Variants in SLC4A10 observed in about 807,000 individuals in gnomAD.
SLC4A10 encodes sodium-driven chloride bicarbonate exchanger.
A neutral mutation model predicts 137.7 loss-of-function variants in SLC4A10; 42 were observed. That is an observed-to-expected ratio of 0.30 (90% CI 0.24 to 0.39). SLC4A10 has a LOEUF of 0.39. SLC4A10 is among the 10% of genes least tolerant of loss of function. The probability of loss-of-function intolerance (pLI) is 1.00; values close to 1 mark genes in which losing one functional copy is unlikely to be tolerated. For synonymous variants in SLC4A10, 474 were observed against 464.1 expected, an observed-to-expected ratio of 1.02 and a Z score of -0.27; for missense variants, 925 against 1,355.0, an observed-to-expected ratio of 0.68 and a Z score of 4.98.
intron 1 of SLC4A10, among the ~76,000 whole-genome samples, chr2:161,731,181 A>ATT (rs2046787085): frequency 6.6e-6 from 1 of 152,152 alleles, no homozygotes; most frequent in African/African-American, 2.4e-5. Flanking sequence ...TTCTCCACAG[A>ATT]TTAAATGAGA....
At chr2:161,830,546 GT>G in intron 3 of SLC4A10, among the ~76,000 whole-genome samples, 1 of 146,428 alleles carries the variant, frequency 6.8e-6, no homozygotes. Flanking sequence ...TTTATTTTCT[GT>G]TTTTAAAAAA....
At chr2:161,698,329 G>A (rs559328574) in intron 1 of SLC4A10, among the ~76,000 whole-genome samples, 14 of 152,224 alleles carry the variant, frequency 9.2e-5, no homozygotes, top group Non-Finnish European at 1.0e-4. Context: ...CCTGGCCAGA[G>A]CTTCCAACAC....
chr2:161,929,936 G>A (rs1018302101), intron 15 of SLC4A10, among the ~76,000 whole-genome samples: 5 of 151,994 alleles, frequency 3.3e-5, no homozygotes, highest in African/African-American at 1.2e-4. Flanking sequence ...TTTATAAGAA[G>A]GAAGTAGTTA....
chr2:161,776,856 GGTGTGTGTGT>G (rs71009340), intron 2 of SLC4A10, among the ~76,000 whole-genome samples: 45 of 143,132 alleles, frequency 3.1e-4, no homozygotes, highest in African/African-American at 8.2e-4. Flanking sequence ...CTTATTTTCT[GGTGTGTGTGT>G]GTGTGTGTGT....
chr2:161,773,619 T>A (rs1337192282), intron 2 of SLC4A10, among the ~76,000 whole-genome samples: 1 of 151,862 alleles, frequency 6.6e-6, no homozygotes, highest in Non-Finnish European at 1.5e-5. Context: ...TAATGTAACA[T>A]TCTGAGTACA....
At chr2:161,933,129 G>C (rs868764748) in intron 15 of SLC4A10, among the ~76,000 whole-genome samples, 3 of 145,702 alleles carry the variant, frequency 2.1e-5, no homozygotes, top group African/African-American at 7.6e-5. Flanking sequence ...TTTCCTGCCT[G>C]TTTTTCTTTC....
intron 1 of SLC4A10, among the ~76,000 whole-genome samples, chr2:161,672,653 A>G (rs17305002): frequency 6.6e-6 from 1 of 152,120 alleles, no homozygotes; most frequent in African/African-American, 2.4e-5. Context: ...GTGCATATCA[A>G]CTTCTGTCCT....
intron 23 of SLC4A10, among the ~76,000 whole-genome samples, chr2:161,968,581 T>A (rs904876024): frequency 1.3e-5 from 2 of 152,122 alleles, no homozygotes; most frequent in Non-Finnish European, 2.9e-5. Flanking sequence ...GGTTTATAGA[T>A]CCTTAAAATC....
At position 161,964,074 on chromosome 2, in the gene SLC4A10, C is replaced by T. The variant is rs1158081946; in HGVS notation, c.2863-61C>T. 2.8e-6 allele frequency: 4 copies of T among 1,436,006 alleles called. No individual in the cohort carries two copies. The Admixed American group carries it at 7.3e-5, about 26-fold the overall frequency. The allele number at this position is 1,436,006 out of a possible 1,614,324, so 89.0% of individuals were successfully genotyped here. ...AATTGTGGACCATATTAAACATCAACTTGTCCTACTTTTATTGTTGTCTTA... is the reference window on the plus strand; with the variant it reads ...AATTGTGGACCATATTAAACATCAATTTGTCCTACTTTTATTGTTGTCTTA... On this transcript the variant is annotated intron_variant, in intron 21 of 26. Transcript: ENST00000446997.
chr2:161,892,143 A>G (rs926444042), intron 10 of SLC4A10, among the ~76,000 whole-genome samples: 2 of 152,126 alleles, frequency 1.3e-5, no homozygotes, highest in African/African-American at 4.8e-5. Flanking sequence ...GCTTTAAAAT[A>G]ACAGGAAATC....
chr2:161,901,173 A>AT (rs1431189427), intron 12 of SLC4A10, 162 bp downstream of exon 12: 1 of 627,062 alleles, frequency 1.6e-6, no homozygotes, highest in African/African-American at 1.8e-5. Flanking sequence ...GTTACTAATG[A>AT]TTGTCATTAC....
intron 2 of SLC4A10, among the ~76,000 whole-genome samples, chr2:161,800,551 A>G (rs2125583315): frequency 6.6e-6 from 1 of 152,188 alleles, no homozygotes; most frequent in South Asian, 2.1e-4. Flanking sequence ...TTGCCAATGA[A>G]AAGCCTAGGA....
At chr2:161,662,809 A>G (rs1218423709) in intron 1 of SLC4A10, among the ~76,000 whole-genome samples, 1 of 152,230 alleles carries the variant, frequency 6.6e-6, no homozygotes, top group African/African-American at 2.4e-5. Flanking sequence ...CTCTAAGCTG[A>G]CAAACCATTG....
chr2:161,676,075 TC>T (rs1309688937), intron 1 of SLC4A10, among the ~76,000 whole-genome samples: 2 of 152,206 alleles, frequency 1.3e-5, no homozygotes, highest in African/African-American at 4.8e-5. Flanking sequence ...TTTAAAGTGT[TC>T]CAGGAATCAC....
intron 1 of SLC4A10, among the ~76,000 whole-genome samples, chr2:161,640,606 T>TTCCC (rs2035147401): frequency 1.6e-5 from 2 of 121,522 alleles, no homozygotes. Context: ...CCTTCCTTCC[T>TTCCC]TCCTTCCTTC....
chr2:161,727,294 A>G (rs2046332735), intron 1 of SLC4A10, among the ~76,000 whole-genome samples: 1 of 152,204 alleles, frequency 6.6e-6, no homozygotes. Context: ...ACATATTGAA[A>G]TCAGTGTTCC....
chr2:161,653,599 A>G (rs149086562), intron 1 of SLC4A10, among the ~76,000 whole-genome samples: 57 of 152,286 alleles, frequency 3.7e-4, no homozygotes, highest in African/African-American at 1.2e-3. Context: ...TCTTCCTATG[A>G]ATTTGATTAT....
At chr2:161,829,478 T>C (rs372424909) in intron 3 of SLC4A10, among the ~76,000 whole-genome samples, 1 of 152,182 alleles carries the variant, frequency 6.6e-6, no homozygotes, top group Non-Finnish European at 1.5e-5. Context: ...CATCATTTAA[T>C]TAATTGCCGA....
At position 161,967,019 on chromosome 2, in the gene SLC4A10, C is replaced by G. The variant is rs565868702; in HGVS notation, c.3159+1846C>G. Among the ~76,000 whole-genome samples the G allele has an allele frequency of 5.9e-4, 90 of 152,014 alleles. 2 individuals carry two copies. Among genetic ancestry groups the G allele is most frequent in the Non-Finnish European group, 7.2e-4 (49 of 67,994 alleles). ...GAAAAAGCTCTTGGCTGTGAGCTTG[C>G]CTTTCAGTCTTTTTGATAATGTCAG... On this transcript the variant is annotated intron_variant, in intron 23 of 26. Coordinates refer to ENST00000446997, the MANE Select transcript of SLC4A10 (RefSeq NM_001178015.2).
Sources: gnomAD v4.1 joint callset for allele counts (sites outside exome capture counted in the v4.1 genomes callset) on GRCh38, gnomAD v4.1.1 for gene constraint, MANE v1.5 for transcripts, NCBI Gene and HGNC (gene_info 2026-07-23, HGNC 2026-07-21) for gene names.